The following NVL variants were observed in gnomAD, a reference collection of about 807,000 sequenced individuals.
NVL encodes the protein nuclear VCP like, also known as nuclear valosin-containing protein-like.
In NVL, 84 loss-of-function variants were observed where a neutral mutation model predicts 110.2. The observed-to-expected ratio is 0.76, with a 90% CI of 0.64 to 0.91. The LOEUF is 0.91. Among genes scored for constraint, NVL ranks in the 40% least tolerant of loss-of-function variants. NVL has a pLI of 0.00. For missense variants in NVL, 882 were observed against 1,035.9 expected (o/e 0.85, Z 2.04); for synonymous variants, 354 against 361.1 (o/e 0.98, Z 0.22).
At chr1:224,242,570 C>T (rs1214884859) in intron 19 of NVL, among the ~76,000 whole-genome samples, 1 of 144,618 alleles carries the variant, frequency 6.9e-6, no homozygotes, top group African/African-American at 2.6e-5. Context: ...TAGGTTCAAG[C>T]GATTCTCCTG....
At chr1:224,314,610 G>C (rs1669881341) in intron 4 of NVL, among the ~76,000 whole-genome samples, 2 of 152,042 alleles carry the variant, frequency 1.3e-5, no homozygotes, top group African/African-American at 2.4e-5. Context: ...GTTGACTCTA[G>C]GCCTAGAAAA....
chr1:224,247,973 T>G (rs1662046816), intron 19 of NVL, among the ~76,000 whole-genome samples: 1 of 152,202 alleles, frequency 6.6e-6, no homozygotes, highest in Non-Finnish European at 1.5e-5. Context: ...ACTACTAAAC[T>G]AAAGCAACAT....
chr1:224,316,856 G>A (rs1229523702), intron 4 of NVL, among the ~76,000 whole-genome samples: 1 of 152,064 alleles, frequency 6.6e-6, no homozygotes, highest in East Asian at 1.9e-4. Context: ...TGAAGAGGTT[G>A]GCCAGGCGCA....
intron 22 of NVL, among the ~76,000 whole-genome samples, chr1:224,230,286 A>G (rs1659725741): frequency 6.6e-6 from 1 of 152,234 alleles, no homozygotes; most frequent in Non-Finnish European, 1.5e-5. Context: ...TAGGTCAAAT[A>G]ATACTTGAAT....
chr1:224,307,959 G>A (rs1669100379), intron 6 of NVL, 32 bp downstream of exon 6: 1 of 1,507,478 alleles, frequency 6.6e-7, no homozygotes, highest in Admixed American at 2.3e-5. Flanking sequence ...GTACTTCGAT[G>A]ATATGGGGCT....
chr1:224,285,359 C>T (rs1666759227), intron 15 of NVL, among the ~76,000 whole-genome samples: 2 of 152,074 alleles, frequency 1.3e-5, no homozygotes, highest in Non-Finnish European at 2.9e-5. Context: ...TGATTGAACT[C>T]GGGAGGCGGA....
intron 11 of NVL, 30 bp from the exon 12 acceptor site, chr1:224,294,441 C>A (rs572000099): frequency 1.2e-6 from 2 of 1,611,156 alleles, no homozygotes; most frequent in Admixed American, 3.3e-5. Context: ...GAGTAGTGAA[C>A]AAAGCACTTG....
At chr1:224,276,914 AC>A (rs1665816830) in intron 16 of NVL, among the ~76,000 whole-genome samples, 1 of 7,414 alleles carries the variant, frequency 1.3e-4, no homozygotes, top group Non-Finnish European at 3.0e-4. Context: ...CTGGACTTTG[AC>A]ACATAAAACT....
chr1:224,249,932 A>C (rs1307950648), intron 19 of NVL, among the ~76,000 whole-genome samples: 2 of 152,160 alleles, frequency 1.3e-5, no homozygotes, highest in African/African-American at 2.4e-5. Flanking sequence ...ACAGAGTCTC[A>C]GTATATTGCC....
Position 224,307,995 on chromosome 1 carries a change from A to G in NVL, c.611T>C (p.Ile204Thr). The stretch of plus-strand genomic sequence containing the variant: ...AAAATTTCATTACAAAAATACCTGT[A>G]TCTCAGTTATTGGCTTCTTAGGATT... ...KSNPKKPITEIQDSKDSSLLE... is the reference protein window; with the variant it reads ...KSNPKKPITETQDSKDSSLLE... The change falls in exon 6 of 23, where the codon ATA becomes ACA. Residue 204 changes from isoleucine to threonine, a missense_variant. This residue lies in a region of NVL where 274 missense variants were observed against 268.4 expected (regional missense o/e 1.02). Coordinates refer to ENST00000281701, the MANE Select transcript of NVL (RefSeq NM_002533.4). 6.6e-7 allele frequency: 1 copy of G among 1,519,514 alleles called. No individual in the cohort carries two copies. The highest frequency in any genetic ancestry group is 1.4e-5 in the South Asian group (1 of 73,644). The allele number at this position is 1,519,514 out of a possible 1,614,324, so 94.1% of individuals were successfully genotyped here.
intron 6 of NVL, among the ~76,000 whole-genome samples, chr1:224,305,939 C>T (rs1668873562): frequency 6.6e-6 from 1 of 152,266 alleles, no homozygotes; most frequent in African/African-American, 2.4e-5. Context: ...GAGTGATTCA[C>T]TTATCTCTGT....
chr1:224,250,478 C>T (rs1479252418), intron 18 of NVL, among the ~76,000 whole-genome samples, 160 bp from the exon 19 acceptor site: 1 of 152,124 alleles, frequency 6.6e-6, no homozygotes, highest in Non-Finnish European at 1.5e-5. Flanking sequence ...GATTCTCCCA[C>T]CTCAGCCTCC....
chr1:224,301,126 G>A (rs1037272770), intron 9 of NVL, among the ~76,000 whole-genome samples: 7 of 151,382 alleles, frequency 4.6e-5, no homozygotes, highest in South Asian at 2.1e-4. Flanking sequence ...AAAAATCAAC[G>A]GTTTCATGCA....
chr1:224,294,397 C>A lies in NVL; in HGVS notation c.1195G>T (p.Ala399Ser). 6.2e-7 allele frequency: 1 copy of A among 1,613,984 alleles called. No individual in the cohort carries two copies. The highest frequency in any genetic ancestry group is 8.5e-7 in the Non-Finnish European group (1 of 1,180,006). The change falls in exon 12 of 23, where the codon GCT (alanine) becomes TCT (serine). Residue 399 changes from alanine (A) to serine (S), a missense_variant. Ala to Ser is a moderately conservative substitution (Grantham distance 99). This residue lies in a region of NVL where 416 missense variants were observed against 499.3 expected (regional missense o/e 0.83). Transcript: ENST00000281701. ...LTCMDDLNNV[A>S]ATARVLVIGA... is the part of the protein sequence containing the mutation. ...ATAACTAGGACCCGGGCTGTAGCAG[C>A]CACATTATTCAGATCTAGTAAGAGA...
At chr1:224,279,285 A>C (rs1242454616) in intron 16 of NVL, among the ~76,000 whole-genome samples, 1 of 152,188 alleles carries the variant, frequency 6.6e-6, no homozygotes, top group Non-Finnish European at 1.5e-5. Context: ...CAAAAATAAC[A>C]ACCAAGAATA....
At chr1:224,297,687 GT>G in intron 10 of NVL, 1 of 181,852 alleles carries the variant, frequency 5.5e-6, no homozygotes. Flanking sequence ...CCTGAGAGAT[GT>G]TCTCTAGGCC....
chr1:224,253,111 T>A (rs182569295), intron 18 of NVL, among the ~76,000 whole-genome samples: 69 of 152,012 alleles, frequency 4.5e-4, no homozygotes, highest in African/African-American at 1.6e-3. Flanking sequence ...AGTGGGGCGA[T>A]CTCGGCTCAT....
rs768373064 is a variant in NVL, at chr1:224,300,624, T to C, written c.1000A>G (p.Ile334Val). 6.2e-7 allele frequency: 1 copy of C among 1,613,870 alleles called. No individual in the cohort carries two copies. Reference sequence around the variant, plus strand: ...GACTCTCCGGATACTCCAGACACAATCTCTGGAGCAGCCACTTTCAAAATT... The same window carrying C: ...GACTCTCCGGATACTCCAGACACAACCTCTGGAGCAGCCACTTTCAAAATT... ...LPILKVAAPE[I>V]VSGVSGESEQ... The change falls in exon 10 of 23, where the codon ATT (isoleucine) becomes GTT (valine). Residue 334 changes from isoleucine to valine, a missense_variant. Ile to Val is a conservative substitution (Grantham distance 29). Coordinates refer to ENST00000281701, the MANE Select transcript of NVL (RefSeq NM_002533.4).
At position 224,316,072 on chromosome 1, in the gene NVL, G is replaced by A. The variant is rs141748202; in HGVS notation, c.284+1622C>T. Among the ~76,000 whole-genome samples the A allele has an allele frequency of 1.8e-3, 280 of 152,090 alleles. 1 individual carries two copies. The highest frequency in any genetic ancestry group is 2.8e-3 in the Non-Finnish European group (190 of 67,980). On this transcript the variant is annotated intron_variant, in intron 4 of 22. Transcript: ENST00000281701. ...TAACTGGGCATGGTAGCATGCACCC[G>A]TATGGGAGAATCGCCTGAGCCCAGG...
Sources: gnomAD v4.1 joint callset for allele counts (sites outside exome capture counted in the v4.1 genomes callset) on GRCh38, gnomAD v4.1.1 for gene constraint, gnomAD v4.1.1 regional missense constraint, MANE v1.5 for transcripts, NCBI Gene and HGNC (gene_info 2026-07-23, HGNC 2026-07-21) for gene names.